TANC2: variants seen among roughly 807,000 people sequenced by gnomAD.
TANC2 encodes the protein protein TANC2.
A neutral mutation model predicts 210.5 loss-of-function variants in TANC2; 26 were observed. The ratio of observed to expected loss-of-function variants is 0.12; its 90% CI spans 0.09 to 0.17. The LOEUF (loss-of-function observed/expected upper bound fraction) is 0.17, where lower values mean the gene tolerates loss of function less well. Among genes scored for constraint, TANC2 ranks in the 10% least tolerant of loss-of-function variants. The pLI is 1.00. For missense variants in TANC2, 2,129 were observed against 2,608.9 expected, an observed-to-expected ratio of 0.82 and a Z score of 4.01; for synonymous variants, 931 against 967.1, an observed-to-expected ratio of 0.96 and a Z score of 0.69.
chr17:63,235,746 A>G (rs548734727), intron 7 of TANC2, among the ~76,000 whole-genome samples: 3 of 150,954 alleles, frequency 2.0e-5, no homozygotes, highest in African/African-American at 7.4e-5. Context: ...TCTTTTGGCA[A>G]TAGGTACATT....
chr17:63,410,630 G>A (rs1333805986), intron 21 of TANC2, among the ~76,000 whole-genome samples: 4 of 151,980 alleles, frequency 2.6e-5, no homozygotes, highest in African/African-American at 4.8e-5. Context: ...TGAGGGCCGA[G>A]GCAGGTGGAT....
intron 7 of TANC2, among the ~76,000 whole-genome samples, chr17:63,228,628 C>T (rs937465318): frequency 1.3e-5 from 2 of 152,090 alleles, no homozygotes; most frequent in African/African-American, 2.4e-5. Context: ...TGTAGTTCTC[C>T]TTGAAGAGGT....
intron 3 of TANC2, among the ~76,000 whole-genome samples, chr17:63,098,661 A>G (rs2037505276): frequency 6.6e-6 from 1 of 151,844 alleles, no homozygotes; most frequent in Non-Finnish European, 1.5e-5. Flanking sequence ...TATAAGTAGA[A>G]GTAAACAGCA....
At chr17:63,312,302 T>C (rs186535606) in intron 9 of TANC2, among the ~76,000 whole-genome samples, 1 of 152,208 alleles carries the variant, frequency 6.6e-6, no homozygotes, top group East Asian at 1.9e-4. Context: ...AACAAAGACA[T>C]GGAATCTCCC....
At chr17:63,129,364 G>GT (rs2038832972) in intron 4 of TANC2, among the ~76,000 whole-genome samples, 1 of 152,072 alleles carries the variant, frequency 6.6e-6, no homozygotes. Flanking sequence ...AGCTGTGTGA[G>GT]TTTTTTACAT....
intron 5 of TANC2, among the ~76,000 whole-genome samples, chr17:63,191,489 A>T (rs1203380571): frequency 2.6e-5 from 4 of 151,850 alleles, no homozygotes; most frequent in Admixed American, 2.6e-4. Context: ...TTCAGACAGG[A>T]TCTTGCTCTG....
At chr17:63,094,702 A>G (rs531472746) in intron 3 of TANC2, among the ~76,000 whole-genome samples, 26 of 152,280 alleles carry the variant, frequency 1.7e-4, no homozygotes, top group African/African-American at 6.0e-4. Flanking sequence ...GTGATAACTG[A>G]AATTTCAGTT....
intron 14 of TANC2, among the ~76,000 whole-genome samples, chr17:63,374,927 T>C (rs993642214): frequency 6.6e-6 from 1 of 151,952 alleles, no homozygotes; most frequent in Admixed American, 6.6e-5. Context: ...GAGAATGAGA[T>C]ACTTGTGACT....
chr17:63,229,296 G>A (rs192442066), intron 7 of TANC2, among the ~76,000 whole-genome samples: 22 of 152,142 alleles, frequency 1.4e-4, no homozygotes, highest in Admixed American at 1.2e-3. Flanking sequence ...TCGTAGCTAA[G>A]TTTTTTGATG....
At chr17:63,018,188 T>A (rs1034139799) in intron 2 of TANC2, among the ~76,000 whole-genome samples, 1 of 151,954 alleles carries the variant, frequency 6.6e-6, no homozygotes, top group Non-Finnish European at 1.5e-5. Context: ...AATTGTAGAT[T>A]TACCTGCAGT....
At chr17:63,295,094 C>T (rs545665429) in intron 9 of TANC2, among the ~76,000 whole-genome samples, 113 of 152,170 alleles carry the variant, frequency 7.4e-4, no homozygotes, top group African/African-American at 2.6e-3. Context: ...AATTTATAGT[C>T]GAGTACATAG....
chr17:62,995,582 A>C (rs1225300768), intron 1 of TANC2, among the ~76,000 whole-genome samples: 1 of 152,212 alleles, frequency 6.6e-6, no homozygotes. Context: ...AAAGCAGTAC[A>C]TGACCTGATA....
chr17:63,173,197 GA>G (rs2040466997), intron 5 of TANC2, among the ~76,000 whole-genome samples: 1 of 151,956 alleles, frequency 6.6e-6, no homozygotes, highest in Non-Finnish European at 1.5e-5. Flanking sequence ...AAAAATCAAG[GA>G]AAAAAGAGAA....
At chr17:63,143,447 A>G (rs1421168361) in intron 4 of TANC2, among the ~76,000 whole-genome samples, 1 of 152,218 alleles carries the variant, frequency 6.6e-6, no homozygotes, top group African/African-American at 2.4e-5. Context: ...GCTTTTAGCA[A>G]TATTTGCCTG....
chr17:63,066,365 A>G (rs1464414441), intron 2 of TANC2, among the ~76,000 whole-genome samples: 3 of 152,036 alleles, frequency 2.0e-5, no homozygotes, highest in Non-Finnish European at 4.4e-5. Context: ...GTGGTAGGGC[A>G]GGTCTGGAGC....
chr17:62,991,221 AAAC>A (rs1436444450), intron 1 of TANC2, among the ~76,000 whole-genome samples: 4 of 152,310 alleles, frequency 2.6e-5, no homozygotes, highest in South Asian at 2.1e-4. Flanking sequence ...AATATTAAAA[AAAC>A]AAATGAAATG....
chr17:62,990,385 T>G (rs1226153450), intron 1 of TANC2, among the ~76,000 whole-genome samples: 4 of 151,760 alleles, frequency 2.6e-5, no homozygotes, highest in African/African-American at 4.8e-5. Flanking sequence ...TAAGCAATCC[T>G]CCCACCTCAG....
At chr17:63,340,365 G>A in intron 12 of TANC2, 33 bp downstream of exon 12, 1 of 1,580,550 alleles carries the variant, frequency 6.3e-7, no homozygotes, top group Non-Finnish European at 8.7e-7. Flanking sequence ...GGGAAAGATG[G>A]AGGTTTAGAG....
Position 63,395,824 on chromosome 17 carries a change from A to T in TANC2, c.3133A>T (p.Ile1045Phe), listed in dbSNP as rs2048139135. 5 of 1,613,160 alleles carry T rather than the reference A, an allele frequency of 3.1e-6. No individual in the cohort carries two copies. The African/African-American group carries it at 6.7e-5, about 22-fold the overall frequency. The stretch of plus-strand genomic sequence containing the variant: ...TCATCTGGAGGTTGTCAAGTTTTTG[A>T]TTCAGTGTGACTGGACGATGGCCGG... Residue 1045 changes from isoleucine (I) to phenylalanine (F), a missense_variant, in exon 18 of 28, where the codon ATT becomes TTT. Ile to Phe is a conservative substitution (Grantham distance 21, BLOSUM62 0). Coordinates refer to ENST00000689528, the Ensembl canonical transcript of TANC2.
Sources: allele counts gnomAD v4.1 joint callset (sites outside exome capture counted in the v4.1 genomes callset), GRCh38; gene constraint gnomAD v4.1.1; transcripts MANE v1.5; gene names NCBI Gene and HGNC (gene_info 2026-07-23, HGNC 2026-07-21).